ASH1L: variants seen among roughly 807,000 people sequenced by gnomAD.
The protein encoded by ASH1L is histone-lysine N-methyltransferase ASH1L.
A neutral mutation model predicts 269.0 loss-of-function variants in ASH1L; 23 were observed. The observed-to-expected ratio is 0.09, with a 90% CI of 0.06 to 0.12. ASH1L has a LOEUF of 0.12. ASH1L is among the 10% of genes least tolerant of loss of function. ASH1L has a pLI of 1.00. For missense variants in ASH1L, 2,912 were observed against 3,567.8 expected (o/e 0.82, Z 4.68); for synonymous variants, 1,187 against 1,253.5 (o/e 0.95, Z 1.12).
Position 155,478,668 on chromosome 1 carries a change from T to A in ASH1L, c.4202A>T (p.Tyr1401Phe). 4 of 1,613,932 alleles carry A rather than the reference T, an allele frequency of 2.5e-6. No individual in the cohort carries two copies. Among genetic ancestry groups the A allele is most frequent in the Non-Finnish European group, 2.5e-6 (3 of 1,179,978 alleles). The change falls in exon 3 of 28, where the codon TAT becomes TTT. Residue 1401 changes from tyrosine (Y) to phenylalanine (F), a missense_variant. Physicochemically the swap from Tyr to Phe is conservative, Grantham distance 22. Coordinates refer to ENST00000392403, the MANE Select transcript of ASH1L (RefSeq NM_018489.3). The surrounding 1 kb of genome is among the most constrained non-coding windows in gnomAD (Gnocchi z 4.6). Reference protein sequence around the residue: ...LTAAPIGLGYYGRYPPTLYPP... With the variant: ...LTAAPIGLGYFGRYPPTLYPP... The stretch of plus-strand genomic sequence containing the variant: ...ATAAAGAGTGGGAGGATACCTTCCA[T>A]AGTAACCTAATCCTATGGGAGCAGC...
At chr1:155,527,563 GTCTC>G (rs1342575936) in intron 1 of ASH1L, among the ~76,000 whole-genome samples, 4 of 136,090 alleles carry the variant, frequency 2.9e-5, no homozygotes, top group African/African-American at 5.6e-5. Flanking sequence ...TTGAGTCAAG[GTCTC>G]TCTCTGTCAC....
At chr1:155,493,083 T>C (rs1374465699) in intron 2 of ASH1L, among the ~76,000 whole-genome samples, 2 of 152,128 alleles carry the variant, frequency 1.3e-5, no homozygotes, top group Admixed American at 1.3e-4. Flanking sequence ...TCCCAAAGTG[T>C]TGGAATTACA....
chr1:155,417,685 G>A (rs933589459), intron 5 of ASH1L, among the ~76,000 whole-genome samples: 3 of 152,194 alleles, frequency 2.0e-5, no homozygotes, highest in Non-Finnish European at 2.9e-5. Flanking sequence ...CTGGTGGGGC[G>A]CAGTGGCTCA....
chr1:155,429,608 T>C (rs1376114120), intron 5 of ASH1L, among the ~76,000 whole-genome samples: 3 of 152,160 alleles, frequency 2.0e-5, no homozygotes, highest in African/African-American at 7.2e-5. Context: ...AGCTGTATTG[T>C]TTAGAGCTGC....
intron 2 of ASH1L, among the ~76,000 whole-genome samples, chr1:155,500,392 AAAC>A (rs369883257): frequency 1.3e-5 from 2 of 152,338 alleles, no homozygotes; most frequent in East Asian, 3.9e-4. Context: ...CTTTTAAAGT[AAAC>A]AATCAAGATG....
intron 10 of ASH1L, among the ~76,000 whole-genome samples, chr1:155,375,753 G>C (rs1168063542): frequency 1.3e-5 from 2 of 151,666 alleles, no homozygotes; most frequent in Non-Finnish European, 2.9e-5. Context: ...AGCTGAGATT[G>C]TGCCATTGCA....
chr1:155,545,609 G>A (rs1452048146), intron 1 of ASH1L, among the ~76,000 whole-genome samples: 1 of 150,704 alleles, frequency 6.6e-6, no homozygotes, highest in Non-Finnish European at 1.5e-5. Context: ...TCATTTAAAG[G>A]AGAAAGGTTT....
intron 4 of ASH1L, among the ~76,000 whole-genome samples, chr1:155,444,990 A>C (rs943612933): frequency 1.3e-5 from 2 of 152,078 alleles, no homozygotes; most frequent in Non-Finnish European, 2.9e-5. Flanking sequence ...CAAGGTCTTA[A>C]AGATTTTTTC....
intron 1 of ASH1L, among the ~76,000 whole-genome samples, chr1:155,544,590 A>C (rs1187034455): frequency 6.6e-6 from 1 of 152,128 alleles, no homozygotes; most frequent in African/African-American, 2.4e-5. Flanking sequence ...CCCGGCCGAG[A>C]AACCCTTCTT....
intron 2 of ASH1L, among the ~76,000 whole-genome samples, chr1:155,516,189 T>C (rs1359357385): frequency 6.6e-6 from 1 of 152,102 alleles, no homozygotes; most frequent in African/African-American, 2.4e-5. Flanking sequence ...TATTCAGTAA[T>C]GGCCATTGGG....
At chr1:155,348,284 T>C (rs1653545700) in intron 19 of ASH1L, among the ~76,000 whole-genome samples, 1 of 152,170 alleles carries the variant, frequency 6.6e-6, no homozygotes, top group Non-Finnish European at 1.5e-5. Context: ...GTGTTGAATC[T>C]ATGTGGAAGC....
Position 155,451,035 on chromosome 1 carries a change from TA to T in ASH1L, c.5086+8761del, listed in dbSNP as rs1663423098. The stretch of plus-strand genomic sequence containing the variant: ...CAGCATGAAGAAACCCTATCTCTAC[TA>T]AAAATACAAAATTAGCTTGGCATGG... On this transcript the variant is annotated intron_variant, in intron 4 of 27. Coordinates refer to ENST00000392403, the MANE Select transcript of ASH1L (RefSeq NM_018489.3). Among the ~76,000 whole-genome samples the T allele has an allele frequency of 2.6e-5, 4 of 151,040 alleles. No homozygotes were observed. The South Asian group carries it at 6.3e-4, about 24-fold the overall frequency.
intron 7 of ASH1L, among the ~76,000 whole-genome samples, chr1:155,390,669 G>A (rs1314730942): frequency 2.1e-4 from 27 of 130,406 alleles, no homozygotes; most frequent in African/African-American, 5.6e-4. Context: ...TTTTTGAGAC[G>A]GAGTCTCGCT....
intron 6 of ASH1L, among the ~76,000 whole-genome samples, chr1:155,409,840 T>C (rs1349460940): frequency 6.6e-6 from 1 of 152,034 alleles, no homozygotes; most frequent in Non-Finnish European, 1.5e-5. Context: ...AAGGGCATTC[T>C]AAAAGACAAC....
chr1:155,519,673 G>T (rs1477586166), intron 2 of ASH1L, among the ~76,000 whole-genome samples: 1 of 151,954 alleles, frequency 6.6e-6, no homozygotes, highest in East Asian at 1.9e-4. Context: ...TTTTTTGGGG[G>T]GTGAGATGGA....
chr1:155,562,463 G>T lies in ASH1L; in HGVS notation c.-410C>A. On this transcript the variant is annotated 5_prime_UTR_variant, in exon 1 of 28. Coordinates refer to ENST00000392403, the MANE Select transcript of ASH1L (RefSeq NM_018489.3). ...GCGGCGGCAGCAGCAGAGTGGCGGC[G>T]GTGGCGGCGGCAGCTCCTCCAGAGG... 1 of 1,459,582 alleles carries T rather than the reference G, an allele frequency of 6.9e-7. No individual in the cohort carries two copies. The highest frequency in any genetic ancestry group is 9.3e-7 in the Non-Finnish European group (1 of 1,076,410). 90.4% of individuals were successfully genotyped at this position (1,459,582 alleles called of 1,614,324 possible). A position where few individuals can be genotyped will look rare whatever the true frequency, so the allele number is the denominator to read the frequency against.
At chr1:155,516,601 T>C (rs7519564) in intron 2 of ASH1L, among the ~76,000 whole-genome samples, 3,105 of 152,148 alleles carry the variant, frequency 0.02, 103 homozygotes, top group African/African-American at 0.071. Context: ...AAGACCAGCT[T>C]GGGCAAAACA....
intron 20 of ASH1L, 80 bp downstream of exon 20, chr1:155,347,576 A>C: frequency 6.4e-7 from 1 of 1,573,160 alleles, no homozygotes; most frequent in Non-Finnish European, 8.6e-7. Flanking sequence ...AGCCAATCCA[A>C]AAGAGGCATG....
intron 7 of ASH1L, among the ~76,000 whole-genome samples, chr1:155,390,769 C>T (rs1006296479): frequency 6.6e-6 from 1 of 151,956 alleles, no homozygotes; most frequent in East Asian, 1.9e-4. Flanking sequence ...CCTCAGCCTC[C>T]TGAGTAGCTG....
Sources: allele counts gnomAD v4.1 joint callset (sites outside exome capture counted in the v4.1 genomes callset), GRCh38; gene constraint gnomAD v4.1.1; non-coding constraint Gnocchi (gnomAD v3.1); transcripts MANE v1.5; gene names NCBI Gene and HGNC (gene_info 2026-07-23, HGNC 2026-07-21).